The following HHLA2 variants were observed in gnomAD, a reference collection of about 807,000 sequenced individuals.
HHLA2 encodes the protein HERV-H LTR-associating protein 2.
In HHLA2, 48 loss-of-function variants were observed where a neutral mutation model predicts 45.9. That is an observed-to-expected ratio of 1.05 (90% confidence interval 0.83 to 1.33). The LOEUF (loss-of-function observed/expected upper bound fraction) is 1.33, where lower values mean the gene tolerates loss of function less well. HHLA2 is among the 40% of genes most tolerant of loss of function. The pLI is 0.00. For synonymous variants in HHLA2, 161 were observed against 173.9 expected (o/e 0.93, Z 0.59); for missense variants, 462 against 494.3 (o/e 0.93, Z 0.62).
intron 3 of HHLA2, among the ~76,000 whole-genome samples, chr3:108,328,527 A>G (rs753186931): frequency 1.1e-4 from 17 of 152,150 alleles, no homozygotes; most frequent in Admixed American, 6.6e-5. Flanking sequence ...CTGAGGCAAA[A>G]AGGAGTTAGG....
intron 1 of HHLA2, among the ~76,000 whole-genome samples, chr3:108,299,883 A>G (rs1396122870): frequency 4.6e-5 from 7 of 152,180 alleles, no homozygotes; most frequent in Admixed American, 4.6e-4. Flanking sequence ...CAGAATCCCT[A>G]AAGGTACAGG....
chr3:108,377,023 CTTG>C, intron 10 of HHLA2: 1 of 484,778 alleles, frequency 2.1e-6, no homozygotes, highest in Admixed American at 3.7e-5. Flanking sequence ...GTGTGGTAAA[CTTG>C]TTTTTTCCAC....
intron 1 of HHLA2, among the ~76,000 whole-genome samples, chr3:108,304,846 C>A (rs574648108): frequency 3.9e-4 from 60 of 152,166 alleles, no homozygotes; most frequent in Admixed American, 2.5e-3. Context: ...TTTCACTTAA[C>A]CCTGCCTGCA....
intron 4 of HHLA2, 67 bp downstream of exon 3, chr3:108,351,944 C>A: frequency 9.2e-7 from 1 of 1,089,566 alleles, no homozygotes; most frequent in Non-Finnish European, 1.4e-6. Flanking sequence ...GCACACAATG[C>A]AAGGTGGCTA....
At chr3:108,336,749 C>T (rs1036789864) in intron 3 of HHLA2, among the ~76,000 whole-genome samples, 1 of 151,328 alleles carries the variant, frequency 6.6e-6, no homozygotes, top group Non-Finnish European at 1.5e-5. Flanking sequence ...CTTCTATGCA[C>T]AAGACCACTA....
chr3:108,314,175 T>C (rs1377296124), intron 2 of HHLA2, among the ~76,000 whole-genome samples: 1 of 152,092 alleles, frequency 6.6e-6, no homozygotes, highest in Non-Finnish European at 1.5e-5. Context: ...TGGCAATCTG[T>C]TGTACTAAGA....
intron 8 of HHLA2, among the ~76,000 whole-genome samples, chr3:108,370,157 A>G (rs888140709): frequency 2.6e-5 from 4 of 152,180 alleles, no homozygotes; most frequent in Non-Finnish European, 4.4e-5. Context: ...GTTCACAAGT[A>G]TCCGCTGTTC....
chr3:108,303,895 T>G (rs1290609001), intron 1 of HHLA2, among the ~76,000 whole-genome samples: 1 of 152,172 alleles, frequency 6.6e-6, no homozygotes, highest in Non-Finnish European at 1.5e-5. Context: ...AGCAGGTGAC[T>G]CTGGTGGTTG....
intron 2 of HHLA2, chr3:108,325,725 A>G: frequency 4.1e-6 from 1 of 243,062 alleles, no homozygotes; most frequent in Non-Finnish European, 8.2e-6. Context: ...AATCCATTAT[A>G]GCCGTGCCCG....
rs1270111355 is a variant in HHLA2 at position 108,377,239 on chromosome 3, C to G, written c.1225-19C>G. ...GACTTGAACAACAGACATTTAGAGTCTATTTTTCTTGCTTCTAGCCTCTTT... is the reference window on the plus strand; with the variant it reads ...GACTTGAACAACAGACATTTAGAGTGTATTTTTCTTGCTTCTAGCCTCTTT... On this transcript the variant is annotated intron_variant, in intron 10 of 10. Coordinates refer to ENST00000619531, the Ensembl canonical transcript of HHLA2. The G allele has an allele frequency of 6.8e-7, 1 of 1,478,152 alleles. No homozygotes were observed. Among genetic ancestry groups the G allele is most frequent in the Non-Finnish European group, 9.4e-7 (1 of 1,060,980 alleles). The allele number at this position is 1,478,152 out of a possible 1,614,324, so 91.6% of individuals were successfully genotyped here.
At chr3:108,317,526 A>G (rs547703532) in intron 2 of HHLA2, among the ~76,000 whole-genome samples, 60 of 151,774 alleles carry the variant, frequency 4.0e-4, no homozygotes, top group African/African-American at 1.3e-3. Context: ...ATCCTGATTA[A>G]TCAAATCTGT....
chr3:108,356,282 G>A lies in HHLA2; in HGVS notation c.685+901G>A, dbSNP rs1008210261. 1.1e-4 allele frequency among the ~76,000 whole-genome samples: 17 copies of A among 151,966 alleles called. No homozygotes were observed. The East Asian group carries it at 2.5e-3, about 22-fold the overall frequency. On this transcript the variant is annotated intron_variant, in intron 6 of 10. Coordinates refer to ENST00000619531, the Ensembl canonical transcript of HHLA2. Reference sequence around the variant, plus strand: ...TCTGACCTCGTGATCCACCCATATCGGCCTCCCAAAGTGCTAGGATTACAG... The same window carrying A: ...TCTGACCTCGTGATCCACCCATATCAGCCTCCCAAAGTGCTAGGATTACAG...
rs533463316 is a variant in HHLA2, at chr3:108,343,271, G to C, written c.-26-8517G>C. ...AAGACAAGGCTTCTGAAGCAATGAA[G>C]CTTTACAAACCAAAGTTATTTGGAA... On this transcript the variant is annotated intron_variant, in intron 3 of 10. Transcript: ENST00000619531. Among the ~76,000 whole-genome samples the C allele has an allele frequency of 2.0e-5, 3 of 152,248 alleles. No individual in the cohort carries two copies. In the East Asian group the frequency reaches 5.8e-4, roughly 29 times the overall value.
intron 3 of HHLA2, among the ~76,000 whole-genome samples, chr3:108,334,156 T>A (rs1253359772): frequency 6.6e-6 from 1 of 152,078 alleles, no homozygotes; most frequent in Non-Finnish European, 1.5e-5. Context: ...AGACTCCAAG[T>A]GGGTGTAGTC....
intron 8 of HHLA2, among the ~76,000 whole-genome samples, chr3:108,370,438 A>G (rs1286678286): frequency 6.6e-6 from 1 of 152,234 alleles, no homozygotes; most frequent in Non-Finnish European, 1.5e-5. Flanking sequence ...CTCCAAAGGA[A>G]CGCAGCTCCT....
chr3:108,336,701 A>T (rs921897902), intron 3 of HHLA2, among the ~76,000 whole-genome samples: 2 of 152,078 alleles, frequency 1.3e-5, no homozygotes, highest in Non-Finnish European at 2.9e-5. Context: ...ACTTTTCCTC[A>T]TGTGCTCAGT....
At chr3:108,372,586 C>A (rs1255814894) in intron 8 of HHLA2, among the ~76,000 whole-genome samples, 1 of 151,182 alleles carries the variant, frequency 6.6e-6, no homozygotes, top group Non-Finnish European at 1.5e-5. Context: ...GCTAGCAAGA[C>A]TAATAAAGAA....
At chr3:108,346,431 C>T (rs1016993321) in intron 3 of HHLA2, among the ~76,000 whole-genome samples, 2 of 152,166 alleles carry the variant, frequency 1.3e-5, no homozygotes, top group South Asian at 2.1e-4. Context: ...CAAACTAGCT[C>T]GGTGTCATGA....
intron 3 of HHLA2, among the ~76,000 whole-genome samples, chr3:108,330,945 C>G (rs1222647502): frequency 6.6e-6 from 1 of 152,126 alleles, no homozygotes; most frequent in Non-Finnish European, 1.5e-5. Flanking sequence ...CTTCTCTGTC[C>G]ATATTTCCTC....
Sources: gnomAD v4.1 joint callset for allele counts (sites outside exome capture counted in the v4.1 genomes callset) on GRCh38, gnomAD v4.1.1 for gene constraint, MANE v1.5 for transcripts, NCBI Gene and HGNC (gene_info 2026-07-23, HGNC 2026-07-21) for gene names.